ATRNL1: variants seen among roughly 807,000 people sequenced by gnomAD.
ATRNL1 encodes the protein attractin-like protein 1.
ATRNL1 carries 95 observed loss-of-function variants against 182.7 expected under a neutral mutation model. The observed-to-expected ratio is 0.52, with a 90% CI of 0.44 to 0.62. The LOEUF (loss-of-function observed/expected upper bound fraction) is 0.62. Ranked by LOEUF, ATRNL1 falls within the 20% of genes least tolerant of loss-of-function variation. ATRNL1 has a pLI of 0.00. For synonymous variants in ATRNL1, 576 were observed against 568.3 expected, an observed-to-expected ratio of 1.01 and a Z score of -0.19; for missense variants, 1,471 against 1,679.5, an observed-to-expected ratio of 0.88 and a Z score of 2.17.
At chr10:115,459,136 T>A (rs1199531525) in intron 21 of ATRNL1, among the ~76,000 whole-genome samples, 1 of 152,144 alleles carries the variant, frequency 6.6e-6, no homozygotes, top group Admixed American at 6.6e-5. Flanking sequence ...AATCTCTTAA[T>A]CCTGTCAGCT....
At chr10:115,791,926 T>G (rs921583177) in intron 27 of ATRNL1, among the ~76,000 whole-genome samples, 1 of 152,210 alleles carries the variant, frequency 6.6e-6, no homozygotes, top group East Asian at 1.9e-4. Flanking sequence ...TTCTGCTATT[T>G]GTTACCTATT....
chr10:115,829,319 C>T (rs1371413689), intron 27 of ATRNL1, among the ~76,000 whole-genome samples: 1 of 152,002 alleles, frequency 6.6e-6, no homozygotes, highest in Non-Finnish European at 1.5e-5. Context: ...GTAGAGCAGA[C>T]CAGCCATGAC....
At chr10:115,281,069 G>A (rs929271394) in intron 13 of ATRNL1, among the ~76,000 whole-genome samples, 4 of 152,150 alleles carry the variant, frequency 2.6e-5, no homozygotes, top group Admixed American at 6.5e-5. Context: ...GCTGTGATTG[G>A]CTGGGACTCA....
intron 26 of ATRNL1, among the ~76,000 whole-genome samples, chr10:115,693,629 A>G (rs1946462175): frequency 6.6e-6 from 1 of 152,118 alleles, no homozygotes; most frequent in Admixed American, 6.5e-5. Flanking sequence ...CCCAGATAGG[A>G]TAGCCTACTA....
intron 28 of ATRNL1, among the ~76,000 whole-genome samples, chr10:115,938,414 G>A (rs1197829450): frequency 6.6e-6 from 1 of 152,166 alleles, no homozygotes; most frequent in African/African-American, 2.4e-5. Flanking sequence ...TTCAGGTCAT[G>A]TTTTCACATG....
chr10:115,750,440 C>T (rs1555070385), intron 27 of ATRNL1, among the ~76,000 whole-genome samples: 1 of 151,796 alleles, frequency 6.6e-6, no homozygotes, highest in Non-Finnish European at 1.5e-5. Context: ...AAAACTGAAT[C>T]TGTTCCAAAT....
chr10:115,883,199 C>A (rs1555109030), intron 28 of ATRNL1, among the ~76,000 whole-genome samples: 2 of 152,206 alleles, frequency 1.3e-5, no homozygotes, highest in East Asian at 3.9e-4. Flanking sequence ...CTCTTTACCC[C>A]TCCTGCACAT....
intron 26 of ATRNL1, among the ~76,000 whole-genome samples, chr10:115,682,669 T>TATGGTGATG (rs1555045086): frequency 0.022 from 3,321 of 150,062 alleles, 124 homozygotes; most frequent in African/African-American, 0.076. Context: ...AGATAATACA[T>TATGGTGATG]ATGATGATGA....
At chr10:115,896,732 G>A (rs1038921610) in intron 28 of ATRNL1, among the ~76,000 whole-genome samples, 1 of 151,506 alleles carries the variant, frequency 6.6e-6, no homozygotes, top group African/African-American at 2.4e-5. Flanking sequence ...AATGAAGGAA[G>A]GATGACTTTT....
At chr10:115,459,639 T>G (rs1847697310) in intron 21 of ATRNL1, among the ~76,000 whole-genome samples, 1 of 152,192 alleles carries the variant, frequency 6.6e-6, no homozygotes, top group African/African-American at 2.4e-5. Flanking sequence ...TCATTAGCAA[T>G]TTTAATTTCG....
At chr10:115,827,120 G>A (rs1950452544) in intron 27 of ATRNL1, among the ~76,000 whole-genome samples, 1 of 152,204 alleles carries the variant, frequency 6.6e-6, no homozygotes, top group Admixed American at 6.5e-5. Flanking sequence ...GTCTTGTGCT[G>A]TGTGACAGAA....
chr10:115,557,769 G>T (rs1554997471), intron 26 of ATRNL1, among the ~76,000 whole-genome samples: 1 of 152,138 alleles, frequency 6.6e-6, no homozygotes, highest in Non-Finnish European at 1.5e-5. Flanking sequence ...ACAACCGACT[G>T]GGCACAGTGG....
chr10:115,548,405 G>A (rs184414368), intron 25 of ATRNL1, among the ~76,000 whole-genome samples: 112 of 152,280 alleles, frequency 7.4e-4, no homozygotes, highest in African/African-American at 2.2e-3. Context: ...GTCAAAAATT[G>A]CCACTGCTTA....
chr10:115,237,360 G>A (rs1850230438), intron 9 of ATRNL1, among the ~76,000 whole-genome samples: 1 of 152,162 alleles, frequency 6.6e-6, no homozygotes, highest in African/African-American at 2.4e-5. Flanking sequence ...CAGCAGCGAT[G>A]AATGAGAGTT....
chr10:115,373,782 T>C (rs1279578519), intron 19 of ATRNL1, among the ~76,000 whole-genome samples: 1 of 151,752 alleles, frequency 6.6e-6, no homozygotes, highest in Admixed American at 6.6e-5. Context: ...TAATATTTTG[T>C]TGATTTTTTT....
At chr10:115,479,695 A>G (rs1183724912) in intron 24 of ATRNL1, among the ~76,000 whole-genome samples, 1 of 151,402 alleles carries the variant, frequency 6.6e-6, no homozygotes, top group East Asian at 1.9e-4. Context: ...GAATCATGCC[A>G]TTGAGTTCAT....
At chr10:115,174,707 T>C (rs149705467) in intron 8 of ATRNL1, among the ~76,000 whole-genome samples, 10 of 152,074 alleles carry the variant, frequency 6.6e-5, no homozygotes, top group Non-Finnish European at 5.9e-5. Context: ...ATGGGCATGG[T>C]TGTGTTCAAT....
intron 24 of ATRNL1, among the ~76,000 whole-genome samples, chr10:115,496,206 G>C (rs1375940010): frequency 6.6e-6 from 1 of 152,148 alleles, no homozygotes. Flanking sequence ...GAGCCTATGG[G>C]TGTCATTGCA....
In ATRNL1 at chr10:115,519,344, G is replaced by A. The variant is rs1554984661; in HGVS notation, c.3716+20G>A. The A allele has an allele frequency of 6.2e-7, 1 of 1,600,160 alleles. No homozygotes were observed. Among genetic ancestry groups the A allele is most frequent in the Non-Finnish European group, 8.6e-7 (1 of 1,169,200 alleles). ...CTTCAGGTAAAAGTTTGCTTTGACTGACTTTGAACTTTTCAAGCCTGTATT... is the reference window on the plus strand; with the variant it reads ...CTTCAGGTAAAAGTTTGCTTTGACTAACTTTGAACTTTTCAAGCCTGTATT... On this transcript the variant is annotated intron_variant, in intron 25 of 28. Coordinates refer to ENST00000355044, the MANE Select transcript of ATRNL1 (RefSeq NM_207303.4).
Sources: gnomAD v4.1 joint callset for allele counts (sites outside exome capture counted in the v4.1 genomes callset) on GRCh38, gnomAD v4.1.1 for gene constraint, MANE v1.5 for transcripts, NCBI Gene and HGNC (gene_info 2026-07-23, HGNC 2026-07-21) for gene names.